ITPRIP: variants seen among roughly 807,000 people sequenced by gnomAD.
The protein encoded by ITPRIP is inositol 1,4,5-trisphosphate receptor-interacting protein.
A neutral mutation model predicts 35.8 loss-of-function variants in ITPRIP; 32 were observed. That is an observed-to-expected ratio of 0.89 (90% confidence interval 0.68 to 1.20). The LOEUF is 1.20. ITPRIP is among the 50% of genes most tolerant of loss of function. The pLI, the probability that ITPRIP is intolerant of heterozygous loss-of-function variation, is 0.00. For synonymous variants in ITPRIP, 358 were observed against 324.0 expected (o/e 1.11, Z -1.13); for missense variants, 653 against 735.6 (o/e 0.89, Z 1.30).
chr10:104,312,974 TCCTGATCCC>T lies in ITPRIP; in HGVS notation c.*1425_*1433del. The stretch of plus-strand genomic sequence containing the variant: ...TGAAGCCACAGGTGGAAAAGAGCCT[TCCTGATCCC>T]CCTGAACCAGACCTGGAGACGGAGC... On this transcript the variant is annotated 3_prime_UTR_variant, in exon 2 of 2. Transcript: ENST00000337478. The T allele has an allele frequency of 1.0e-6, 1 of 985,418 alleles. No individual in the cohort carries two copies. Among genetic ancestry groups the T allele is most frequent in the Non-Finnish European group, 1.2e-6 (1 of 829,956 alleles). The allele number at this position is 985,418 out of a possible 1,614,324, so 61.0% of individuals were successfully genotyped here.
chr10:104,330,841 C>A (rs1185960571), intron 1 of ITPRIP, among the ~76,000 whole-genome samples: 1 of 152,210 alleles, frequency 6.6e-6, no homozygotes, highest in Non-Finnish European at 1.5e-5. Context: ...CATCATAGAG[C>A]CAGGATCTGA....
At chr10:104,324,786 C>T (rs987254394) in intron 1 of ITPRIP, among the ~76,000 whole-genome samples, 3 of 152,192 alleles carry the variant, frequency 2.0e-5, no homozygotes, top group Admixed American at 6.5e-5. Flanking sequence ...TCTGAAGGGG[C>T]GAGTCCCCAC....
At position 104,313,420 on chromosome 10, in the gene ITPRIP, G is replaced by A. The variant is rs1564859706; in HGVS notation, c.*988C>T. 1.0e-6 allele frequency: 1 copy of A among 986,038 alleles called. No individual in the cohort carries two copies. The highest frequency in any genetic ancestry group is 1.1e-4 in the East Asian group (1 of 8,812). 61.1% of individuals were successfully genotyped at this position (986,038 alleles called of 1,614,324 possible). On this transcript the variant is annotated 3_prime_UTR_variant, in exon 2 of 2. Transcript: ENST00000337478. ...TTGGCTCTGCGCACAGCCTCTGGGA[G>A]TGCCATGGCCTCAGGTGCCTTGTGG...
intron 1 of ITPRIP, among the ~76,000 whole-genome samples, chr10:104,322,354 C>T (rs2013872590): frequency 6.6e-6 from 1 of 152,244 alleles, no homozygotes; most frequent in South Asian, 2.1e-4. Flanking sequence ...CCTTAAGCAG[C>T]AGGGGTGCCC....
intron 1 of ITPRIP, among the ~76,000 whole-genome samples, chr10:104,327,768 C>T (rs1391587245): frequency 6.6e-6 from 1 of 152,198 alleles, no homozygotes; most frequent in Non-Finnish European, 1.5e-5. Flanking sequence ...TTGCATTTAA[C>T]CCACGCAGCA....
In ITPRIP at chr10:104,314,845, C is replaced by T. The variant is rs150116933; in HGVS notation, c.1207G>A (p.Ala403Thr). Residue 403 changes from alanine (A) to threonine (T), a missense_variant, in exon 2 of 2, where the codon GCC becomes ACC. Physicochemically the swap from Ala to Thr is moderately conservative, Grantham distance 58 (BLOSUM62 0). Transcript: ENST00000337478. ...ATCTGCAGGCAGCTGAGGTGGCAGGCGCCCTCGGGCAGTGCCTTTAGTGTC... is the reference window on the plus strand; with the variant it reads ...ATCTGCAGGCAGCTGAGGTGGCAGGTGCCCTCGGGCAGTGCCTTTAGTGTC... ...RTTLKALPEG[A>T]CHLSCLQIAS... 25 of 1,613,614 alleles carry T rather than the reference C, an allele frequency of 1.5e-5. No homozygotes were observed. The highest frequency in any genetic ancestry group is 6.7e-5 in the East Asian group (3 of 44,882).
Position 104,314,391 on chromosome 10 carries a change from A to C in ITPRIP, c.*17T>G. ...GCCCTCATCTTAGCTCGAGGATCCC[A>C]CATTCTGTAAAAGACGTCAGCTTTT... is the stretch of plus-strand genomic sequence containing the variant. On this transcript the variant is annotated 3_prime_UTR_variant, in exon 2 of 2. Transcript: ENST00000337478. 1.9e-6 allele frequency: 3 copies of C among 1,593,738 alleles called. No individual in the cohort carries two copies. The highest frequency in any genetic ancestry group is 2.6e-6 in the Non-Finnish European group (3 of 1,167,698).
chr10:104,336,504 G>A (rs1431977527), intron 1 of ITPRIP, among the ~76,000 whole-genome samples: 3 of 151,048 alleles, frequency 2.0e-5, no homozygotes, highest in Non-Finnish European at 1.5e-5. Context: ...TGGGGGGGGG[G>A]GGGCAGCGGG....
Position 104,329,964 on chromosome 10 carries a change from C to T in ITPRIP, c.-14+8282G>A, listed in dbSNP as rs552431054. On this transcript the variant is annotated intron_variant, in intron 1 of 1. Transcript: ENST00000337478. The stretch of plus-strand genomic sequence containing the variant: ...ACATCCCTGCAGCTCCTCCAGAAGC[C>T]TGGGGAGTATGACTAAGTTGTCTCC... Among the ~76,000 whole-genome samples, 26 of 152,310 alleles carry T rather than the reference C, an allele frequency of 1.7e-4. No individual in the cohort carries two copies. In the South Asian group the frequency reaches 4.6e-3, roughly 27 times the overall value.
At position 104,314,795 on chromosome 10, in the gene ITPRIP, C is replaced by T. The variant is rs780226438; in HGVS notation, c.1257G>A (p.Gln419=). ...LQIASFLLSK[Q]SRLTGPSGLS... ...GCCCGCTGGGACCGGTCAGGCGGCT[C>T]TGCTTGGAGAGCAGGAAGGATGCTA... The change falls in exon 2 of 2, where the codon CAG becomes CAA. Residue 419 remains glutamine, a synonymous_variant. Transcript: ENST00000337478. 1.2e-6 allele frequency: 2 copies of T among 1,613,962 alleles called. No individual in the cohort carries two copies. Among genetic ancestry groups the T allele is most frequent in the South Asian group, 2.2e-5 (2 of 91,088 alleles).
In ITPRIP at chr10:104,313,695, C is replaced by A; in HGVS notation, c.*713G>T. Reference sequence around the variant, plus strand: ...GGAAAGGACAGCAGAAGGGGGTGCACCTGAGTGAGAAGTGTAGGGTGCAGC... The same window carrying A: ...GGAAAGGACAGCAGAAGGGGGTGCAACTGAGTGAGAAGTGTAGGGTGCAGC... On this transcript the variant is annotated 3_prime_UTR_variant, in exon 2 of 2. Coordinates refer to ENST00000337478, the MANE Select transcript of ITPRIP (RefSeq NM_001272013.2). The A allele has an allele frequency of 5.1e-6, 5 of 985,424 alleles. No homozygotes were observed. Among genetic ancestry groups the A allele is most frequent in the South Asian group, 4.7e-5 (1 of 21,288 alleles). The allele number at this position is 985,424 out of a possible 1,614,324, so 61.0% of individuals were successfully genotyped here. A position where few individuals can be genotyped will look rare whatever the true frequency, so the allele number is the denominator to read the frequency against.
In ITPRIP at chr10:104,333,491, G is replaced by A. The variant is rs971179102; in HGVS notation, c.-14+4755C>T. 1 of 152,266 alleles carries A rather than the reference G, an allele frequency of 6.6e-6. No individual in the cohort carries two copies. Among genetic ancestry groups the A allele is most frequent in the Admixed American group, 6.6e-5 (1 of 15,264 alleles). 9.4% of individuals were successfully genotyped at this position (152,266 alleles called of 1,614,324 possible). A position where few individuals can be genotyped will look rare whatever the true frequency, so the allele number is the denominator to read the frequency against. ...GTGCTTCCGTTTCACTGATGTCACG[G>A]GGTGGGCCTAACAGATAGAGGGGGG... On this transcript the variant is annotated intron_variant, in intron 1 of 1. Coordinates refer to ENST00000337478, the MANE Select transcript of ITPRIP (RefSeq NM_001272013.2). This position sits in a 1 kb window ranked among gnomAD's most constrained non-coding sequence, Gnocchi z 4.1.
At position 104,313,652 on chromosome 10, in the gene ITPRIP, C is replaced by T. The variant is rs954177738; in HGVS notation, c.*756G>A. 6.0e-5 allele frequency: 59 copies of T among 985,448 alleles called. No homozygotes were observed. Among genetic ancestry groups the T allele is most frequent in the South Asian group, 3.8e-4 (8 of 21,274 alleles). 61.0% of individuals were successfully genotyped at this position (985,448 alleles called of 1,614,324 possible). A position where few individuals can be genotyped will look rare whatever the true frequency, so the allele number is the denominator to read the frequency against. On this transcript the variant is annotated 3_prime_UTR_variant, in exon 2 of 2. Coordinates refer to ENST00000337478, the MANE Select transcript of ITPRIP (RefSeq NM_001272013.2). ...CAGTGTGGCAAATACCCACCACGCTCGGGACCCAGTACGTTGGGGAAAGGA... is the reference window on the plus strand; with the variant it reads ...CAGTGTGGCAAATACCCACCACGCTTGGGACCCAGTACGTTGGGGAAAGGA...
At chr10:104,336,009 C>G (rs1410339172) in intron 1 of ITPRIP, among the ~76,000 whole-genome samples, 2 of 152,032 alleles carry the variant, frequency 1.3e-5, no homozygotes, top group Admixed American at 1.3e-4. Flanking sequence ...AATGGTGGAC[C>G]AGGCAGTGTA....
Position 104,312,853 on chromosome 10 carries a change from G to T in ITPRIP, c.*1555C>A. On this transcript the variant is annotated 3_prime_UTR_variant, in exon 2 of 2. Transcript: ENST00000337478. ...TTATGCTCTCGGGAAGGCATGGCCG[G>T]CTTAAACCCTGGAGGAACACGGTAT... 1 of 985,408 alleles carries T rather than the reference G, an allele frequency of 1.0e-6. No homozygotes were observed. Among genetic ancestry groups the T allele is most frequent in the Non-Finnish European group, 1.2e-6 (1 of 829,932 alleles). 61.0% of individuals were successfully genotyped at this position (985,408 alleles called of 1,614,324 possible).
At position 104,313,367 on chromosome 10, in the gene ITPRIP, G is replaced by A. The variant is rs1589884947; in HGVS notation, c.*1041C>T. The A allele has an allele frequency of 1.0e-6, 1 of 986,412 alleles. No individual in the cohort carries two copies. The highest frequency in any genetic ancestry group is 1.2e-6 in the Non-Finnish European group (1 of 830,444). The allele number at this position is 986,412 out of a possible 1,614,324, so 61.1% of individuals were successfully genotyped here. On this transcript the variant is annotated 3_prime_UTR_variant, in exon 2 of 2. Coordinates refer to ENST00000337478, the MANE Select transcript of ITPRIP (RefSeq NM_001272013.2). The stretch of plus-strand genomic sequence containing the variant: ...TCTTACAGCAGAGACTTCGCTGCAG[G>A]ACGCAGGGCCAGAAGAGGTTGAGAG...
At chr10:104,337,666 A>G (rs1315450748) in intron 1 of ITPRIP, among the ~76,000 whole-genome samples, 1 of 152,022 alleles carries the variant, frequency 6.6e-6, no homozygotes, top group Non-Finnish European at 1.5e-5. Flanking sequence ...GCACAGCGTG[A>G]GGTCTGGCCC....
In ITPRIP at chr10:104,331,630, T is replaced by C. The variant is rs560858396; in HGVS notation, c.-14+6616A>G. ...TCCCACTGTGTTATGCACCTGGAAG[T>C]GAGTCATTTGATAATTGCGGGGCTT... On this transcript the variant is annotated intron_variant, in intron 1 of 1. Coordinates refer to ENST00000337478, the MANE Select transcript of ITPRIP (RefSeq NM_001272013.2). Among the ~76,000 whole-genome samples, 5 of 152,268 alleles carry C rather than the reference T, an allele frequency of 3.3e-5. No homozygotes were observed. In the South Asian group the frequency reaches 1.0e-3, roughly 32 times the overall value.
At chr10:104,334,762 C>G (rs2014207344) in intron 1 of ITPRIP, among the ~76,000 whole-genome samples, 1 of 152,242 alleles carries the variant, frequency 6.6e-6, no homozygotes, top group South Asian at 2.1e-4. Flanking sequence ...ATCACTGTCC[C>G]CCACCCTCAC....
Sources: gnomAD v4.1 joint callset for allele counts (sites outside exome capture counted in the v4.1 genomes callset) on GRCh38, gnomAD v4.1.1 for gene constraint, Gnocchi (gnomAD v3.1) non-coding constraint, MANE v1.5 for transcripts, NCBI Gene and HGNC (gene_info 2026-07-23, HGNC 2026-07-21) for gene names.